The following TMIGD1 variants were observed in gnomAD, a reference collection of about 807,000 sequenced individuals.
TMIGD1 encodes the protein transmembrane and immunoglobulin domain-containing protein 1.
Under a neutral mutation model 27.5 loss-of-function variants are expected in TMIGD1, and 29 were observed. That is an observed-to-expected ratio of 1.05 (90% confidence interval 0.78 to 1.44). The LOEUF (loss-of-function observed/expected upper bound fraction) is 1.44. Ranked by LOEUF, TMIGD1 falls within the 40% of genes most tolerant of loss-of-function variation. The pLI is 0.00. For missense variants in TMIGD1, 334 were observed against 310.6 expected, an observed-to-expected ratio of 1.08 and a Z score of -0.57; for synonymous variants, 109 against 110.3, an observed-to-expected ratio of 0.99 and a Z score of 0.07.
chr17:30,319,429 CAAAAA>C (rs1286864435), intron 4 of TMIGD1, among the ~76,000 whole-genome samples: 1 of 40,788 alleles, frequency 2.5e-5, no homozygotes, highest in Non-Finnish European at 4.9e-5. Flanking sequence ...TCTCTGTCTC[CAAAAA>C]AAAAAAAAAA....
chr17:30,318,725 C>G (rs1382906295), intron 5 of TMIGD1, 85 bp downstream of exon 5: 2 of 992,718 alleles, frequency 2.0e-6, no homozygotes, highest in Non-Finnish European at 3.1e-6. Flanking sequence ...AGAAGGGTTC[C>G]TAACTGAAGT....
intron 3 of TMIGD1, among the ~76,000 whole-genome samples, chr17:30,328,980 A>AC (rs1419944619): frequency 2.0e-5 from 3 of 150,644 alleles, no homozygotes; most frequent in East Asian, 3.9e-4. Context: ...AAAAAAAAAA[A>AC]AAGAAAGAAA....
chr17:30,319,079 G>T (rs1038626985), intron 4 of TMIGD1, among the ~76,000 whole-genome samples, 166 bp from the exon 5 acceptor site: 3 of 151,000 alleles, frequency 2.0e-5, no homozygotes, highest in African/African-American at 7.3e-5. Context: ...GAGGAACCAG[G>T]AGGTTTGAGG....
At chr17:30,322,175 A>G (rs1909639963) in intron 4 of TMIGD1, among the ~76,000 whole-genome samples, 1 of 152,186 alleles carries the variant, frequency 6.6e-6, no homozygotes, top group Non-Finnish European at 1.5e-5. Context: ...TTTGGGAAAT[A>G]AATGGATTAA....
At chr17:30,317,063 A>G in intron 6 of TMIGD1, 130 bp downstream of exon 6, 1 of 1,112,366 alleles carries the variant, frequency 9.0e-7, no homozygotes, top group Non-Finnish European at 1.4e-6. Context: ...ATTTTCCTCC[A>G]CCTTCTATTC....
Position 30,332,161 on chromosome 17 carries a change from A to G in TMIGD1, c.-25-3T>C, listed in dbSNP as rs1230490576. The G allele has an allele frequency of 6.3e-7, 1 of 1,590,228 alleles. No homozygotes were observed. Among genetic ancestry groups the G allele is most frequent in the Non-Finnish European group, 8.6e-7 (1 of 1,163,628 alleles). On this transcript the variant is annotated splice_region_variant and splice_polypyrimidine_tract_variant and intron_variant, in intron 1 of 6. Coordinates refer to ENST00000328886, the MANE Select transcript of TMIGD1 (RefSeq NM_206832.3). ...TTAATGAGTTAAACTCAGATCTACT[A>G]AGGGAAAAATAGTGCAGTTGGTTTT...
rs769730568 is a variant in TMIGD1, at chr17:30,317,204, A to G, written c.774T>C (p.Ser258=). The change falls in exon 6 of 7, where the codon AGT becomes AGC. Residue 258 remains serine, a synonymous_variant. Coordinates refer to ENST00000328886, the MANE Select transcript of TMIGD1 (RefSeq NM_206832.3). The part of the protein sequence containing the change: ...KLCMKDKDPH[S]ETAL ...CCTAGAGTACTTACAGAGCTGTTTC[A>G]CTGTGAGGGTCTTTATCCTTCATGC... 3.7e-6 allele frequency: 6 copies of G among 1,614,100 alleles called. No homozygotes were observed. In the East Asian group the frequency reaches 1.1e-4, roughly 30 times the overall value.
At chr17:30,322,021 G>C (rs1909636137) in intron 4 of TMIGD1, among the ~76,000 whole-genome samples, 1 of 152,048 alleles carries the variant, frequency 6.6e-6, no homozygotes, top group South Asian at 2.1e-4. Flanking sequence ...TAGAGACAGG[G>C]TTCCAATATG....
intron 4 of TMIGD1, among the ~76,000 whole-genome samples, chr17:30,322,609 C>T (rs570436191): frequency 6.6e-6 from 1 of 152,316 alleles, no homozygotes; most frequent in East Asian, 1.9e-4. Context: ...AAGCAATTCT[C>T]CTGCCTCAGC....
intron 4 of TMIGD1, 74 bp from the exon 5 acceptor site, chr17:30,318,987 T>G: frequency 9.7e-7 from 1 of 1,028,982 alleles, no homozygotes; most frequent in Non-Finnish European, 1.5e-6. Flanking sequence ...AATGGTGCCT[T>G]GAACTTTATG....
At chr17:30,330,137 C>T (rs149592877) in intron 2 of TMIGD1, among the ~76,000 whole-genome samples, 58 of 152,182 alleles carry the variant, frequency 3.8e-4, no homozygotes, top group Middle Eastern at 6.8e-3. Flanking sequence ...GATTAGTTGA[C>T]ATGAGTGCAA....
chr17:30,325,237 T>G (rs990886131), intron 3 of TMIGD1, 143 bp from the exon 4 acceptor site: 5 of 823,110 alleles, frequency 6.1e-6, no homozygotes, highest in Non-Finnish European at 9.3e-6. Context: ...TGACAAGCAC[T>G]GGGGTAACAA....
At chr17:30,320,984 A>T (rs1909601560) in intron 4 of TMIGD1, among the ~76,000 whole-genome samples, 1 of 152,144 alleles carries the variant, frequency 6.6e-6, no homozygotes, top group South Asian at 2.1e-4. Context: ...CAGCCTCCCA[A>T]GTAGCTGGTA....
At position 30,316,455 on chromosome 17, in the gene TMIGD1, T is replaced by C. The variant is rs1909416066; in HGVS notation, c.*232A>G. 2.1e-6 allele frequency: 1 copy of C among 473,794 alleles called. No individual in the cohort carries two copies. Among genetic ancestry groups the C allele is most frequent in the South Asian group, 3.5e-5 (1 of 28,858 alleles). 29.3% of individuals were successfully genotyped at this position (473,794 alleles called of 1,614,324 possible). ...TGGAACAAATCTCAATTAATTAACA[T>C]ATACTTCAAGGAGAAGACTTAACAA... On this transcript the variant is annotated 3_prime_UTR_variant, in exon 7 of 7. Coordinates refer to ENST00000328886, the MANE Select transcript of TMIGD1 (RefSeq NM_206832.3).
At chr17:30,324,793 G>A (rs754887115) in intron 4 of TMIGD1, 23 bp downstream of exon 4, 2 of 1,611,466 alleles carry the variant, frequency 1.2e-6, no homozygotes, top group East Asian at 2.2e-5. Context: ...ACTGTGCTGG[G>A]TATTACTTAA....
chr17:30,318,835 A>G lies in TMIGD1; in HGVS notation c.719T>C (p.Ile240Thr), dbSNP rs1490411108. ...VIFLTLCFGL[I>T]ARRKKIMKLC... Reference sequence around the variant, plus strand: ...CTTCATTATTTTCTTTCTTCTAGCAATCAGTCCAAAGCACAATGTCAGAAA... The same window carrying G: ...CTTCATTATTTTCTTTCTTCTAGCAGTCAGTCCAAAGCACAATGTCAGAAA... Residue 240 changes from isoleucine (I) to threonine (T), a missense_variant, in exon 5 of 7, where the codon ATT becomes ACT. By Grantham distance (89) the Ile-to-Thr change is moderately conservative. Transcript: ENST00000328886. The G allele has an allele frequency of 1.2e-6, 2 of 1,613,444 alleles. No homozygotes were observed. Among genetic ancestry groups the G allele is most frequent in the Non-Finnish European group, 1.7e-6 (2 of 1,179,580 alleles).
chr17:30,316,844 A>G (rs776623563), intron 6 of TMIGD1, 154 bp from the exon 7 acceptor site: 29 of 727,104 alleles, frequency 4.0e-5, no homozygotes, highest in Non-Finnish European at 5.1e-5. Context: ...CTGCAAAGAG[A>G]AGGCAGTATG....
chr17:30,323,071 G>A (rs1270321066), intron 4 of TMIGD1, among the ~76,000 whole-genome samples: 5 of 152,144 alleles, frequency 3.3e-5, no homozygotes, highest in Non-Finnish European at 7.4e-5. Context: ...TCAGGAGGCT[G>A]AAGTGGAAAG....
rs1910068821 is a variant in TMIGD1, at chr17:30,334,017, G to C, written c.-43C>G. 6.6e-6 allele frequency: 1 copy of C among 152,550 alleles called. No homozygotes were observed. Among genetic ancestry groups the C allele is most frequent in the Non-Finnish European group, 1.5e-5 (1 of 68,066 alleles). 9.4% of individuals were successfully genotyped at this position (152,550 alleles called of 1,614,324 possible). On this transcript the variant is annotated 5_prime_UTR_variant, in exon 1 of 7. Coordinates refer to ENST00000328886, the MANE Select transcript of TMIGD1 (RefSeq NM_206832.3). ...CCACTTACCTCTTGAGCTCTGAGAA[G>C]CTGACTTCCTTGGCCAACTGTTCCT...
Sources: allele counts gnomAD v4.1 joint callset (sites outside exome capture counted in the v4.1 genomes callset), GRCh38; gene constraint gnomAD v4.1.1; transcripts MANE v1.5; gene names NCBI Gene and HGNC (gene_info 2026-07-23, HGNC 2026-07-21).